Variants in NBAS observed in about 807,000 individuals in gnomAD.
NBAS encodes NAG/BC035112 fusion.
Under a neutral mutation model 302.5 loss-of-function variants are expected in NBAS, and 219 were observed. The observed-to-expected ratio is 0.72, with a 90% CI of 0.65 to 0.81. The LOEUF is 0.81. Among genes scored for constraint, NBAS ranks in the 30% least tolerant of loss-of-function variants. NBAS has a pLI of 0.00. For synonymous variants in NBAS, 1,118 were observed against 1,021.6 expected, an observed-to-expected ratio of 1.09 and a Z score of -1.80; for missense variants, 2,932 against 2,841.6, an observed-to-expected ratio of 1.03 and a Z score of -0.72.
At chr2:15,331,798 C>A (rs1672365081) in intron 35 of NBAS, among the ~76,000 whole-genome samples, 1 of 152,176 alleles carries the variant, frequency 6.6e-6, no homozygotes, top group Admixed American at 6.5e-5. Flanking sequence ...ATATCCTAAT[C>A]CCTAGAACCT....
the NBAS span, among the ~76,000 whole-genome samples, chr2:15,085,556 G>A: frequency 6.6e-6 from 1 of 152,106 alleles, no homozygotes; most frequent in Non-Finnish European, 1.5e-5. Context: ...AGGCTGTGAG[G>A]GGGCATGGCC....
intron 48 of NBAS, among the ~76,000 whole-genome samples, chr2:15,215,232 A>C (rs1485570848): frequency 6.6e-6 from 1 of 152,188 alleles, no homozygotes; most frequent in Non-Finnish European, 1.5e-5. Context: ...CTGTTGAAAA[A>C]TGAAGGCCTC....
the NBAS span, among the ~76,000 whole-genome samples, chr2:14,860,299 G>C: frequency 6.6e-6 from 1 of 152,068 alleles, no homozygotes; most frequent in South Asian, 2.1e-4. Context: ...TAAAGATAGA[G>C]CTATCATATG....
At chr2:14,888,699 C>T in the NBAS span, among the ~76,000 whole-genome samples, 7 of 152,016 alleles carry the variant, frequency 4.6e-5, no homozygotes, top group Non-Finnish European at 1.0e-4. Flanking sequence ...CTTCTAGAGC[C>T]CATGAAAGTC....
At chr2:14,962,531 T>C in the NBAS span, among the ~76,000 whole-genome samples, 1 of 152,106 alleles carries the variant, frequency 6.6e-6, no homozygotes, top group Non-Finnish European at 1.5e-5. Flanking sequence ...CAGGCTGTCA[T>C]GGAGGGATAG....
intron 23 of NBAS, among the ~76,000 whole-genome samples, chr2:15,419,352 TGTGTGTGTA>T (rs1179112223): frequency 3.3e-5 from 5 of 149,576 alleles, no homozygotes; most frequent in Non-Finnish European, 7.4e-5. Context: ...TGTGTGTGTG[TGTGTGTGTA>T]GAAGAATACA....
the NBAS span, among the ~76,000 whole-genome samples, chr2:15,157,203 C>T: frequency 1.3e-5 from 2 of 152,164 alleles, no homozygotes; most frequent in East Asian, 1.9e-4. Context: ...TCATGCTCAC[C>T]TCCGTGTTCC....
At chr2:15,095,667 G>A in the NBAS span, among the ~76,000 whole-genome samples, 3 of 152,108 alleles carry the variant, frequency 2.0e-5, no homozygotes, top group African/African-American at 7.2e-5. Flanking sequence ...GTGGAGGCAC[G>A]GACCCAGCTC....
chr2:15,270,250 C>T (rs191531775), intron 44 of NBAS, among the ~76,000 whole-genome samples: 209 of 152,140 alleles, frequency 1.4e-3, no homozygotes, highest in African/African-American at 4.1e-3. Flanking sequence ...GTGCAGCCTC[C>T]GACTCCCTGG....
chr2:15,107,227 C>A, the NBAS span, among the ~76,000 whole-genome samples: 1 of 151,610 alleles, frequency 6.6e-6, no homozygotes, highest in African/African-American at 2.4e-5. Context: ...GGAGAGAATT[C>A]TCTCTCTCTC....
intron 44 of NBAS, among the ~76,000 whole-genome samples, chr2:15,245,310 G>T (rs569792565): frequency 8.5e-5 from 13 of 152,114 alleles, no homozygotes; most frequent in Admixed American, 2.0e-4. Context: ...CACCCTTGCA[G>T]GCCCCCTCAG....
the NBAS span, among the ~76,000 whole-genome samples, chr2:15,025,045 A>G: frequency 3.0e-4 from 46 of 152,280 alleles, no homozygotes; most frequent in Non-Finnish European, 5.6e-4. Context: ...GCTAGTTCCA[A>G]TGTCCAAAAT....
At chr2:15,430,011 AT>A (rs1677682728) in intron 21 of NBAS, among the ~76,000 whole-genome samples, 1 of 152,222 alleles carries the variant, frequency 6.6e-6, no homozygotes, top group Admixed American at 6.5e-5. Flanking sequence ...TGAGGAGAAA[AT>A]AAATAAACCT....
chr2:15,496,362 GT>G (rs976951478), intron 11 of NBAS, among the ~76,000 whole-genome samples: 12 of 152,002 alleles, frequency 7.9e-5, no homozygotes, highest in African/African-American at 2.7e-4. Context: ...GGGATGCAGG[GT>G]TTTTTTCCAG....
the NBAS span, among the ~76,000 whole-genome samples, chr2:15,096,661 C>G: frequency 2.6e-5 from 4 of 152,228 alleles, no homozygotes; most frequent in East Asian, 5.8e-4. Flanking sequence ...GCCATGTTAC[C>G]AAGCACCTAT....
the NBAS span, among the ~76,000 whole-genome samples, chr2:14,789,142 C>G: frequency 6.6e-6 from 1 of 152,152 alleles, no homozygotes; most frequent in African/African-American, 2.4e-5. Flanking sequence ...GAGCCATGTG[C>G]GGGATATAAT....
the NBAS span, among the ~76,000 whole-genome samples, chr2:14,949,278 G>T: frequency 6.6e-6 from 1 of 152,050 alleles, no homozygotes; most frequent in Admixed American, 6.5e-5. Context: ...GCACAGCAAA[G>T]CAAACAATCA....
intron 44 of NBAS, among the ~76,000 whole-genome samples, chr2:15,253,337 G>A (rs1040073606): frequency 3.3e-5 from 5 of 152,000 alleles, no homozygotes; most frequent in Non-Finnish European, 7.4e-5. Flanking sequence ...TCCTTCTCCA[G>A]TCTTACTCCC....
the NBAS span, among the ~76,000 whole-genome samples, chr2:15,031,956 G>A: frequency 6.6e-6 from 1 of 151,972 alleles, no homozygotes; most frequent in African/African-American, 2.4e-5. Context: ...GGTGGCCAGA[G>A]GTGCCAGCAC....
Sources: gnomAD v4.1 joint callset for allele counts (sites outside exome capture counted in the v4.1 genomes callset) on GRCh38, gnomAD v4.1.1 for gene constraint, MANE v1.5 for transcripts, NCBI Gene and HGNC (gene_info 2026-07-23, HGNC 2026-07-21) for gene names.